Variants in TRAPPC12 observed in about 807,000 individuals in gnomAD.
TRAPPC12 encodes the protein TPR repeat protein 15.
A neutral mutation model predicts 69.2 loss-of-function variants in TRAPPC12; 61 were observed. The ratio of observed to expected loss-of-function variants is 0.88; its 90% CI spans 0.72 to 1.09. TRAPPC12 has a LOEUF of 1.09. TRAPPC12 is among the 50% of genes least tolerant of loss of function. The pLI is 0.00. For missense variants in TRAPPC12, 1,101 were observed against 1,016.4 expected (o/e 1.08, Z -1.13); for synonymous variants, 469 against 438.9 (o/e 1.07, Z -0.86).
intron 8 of TRAPPC12, chr2:3,462,726 G>T: frequency 2.9e-6 from 1 of 344,122 alleles, no homozygotes; most frequent in South Asian, 2.1e-5. Context: ...CCTCTCCTTA[G>T]GCCTCACTGT....
intron 3 of TRAPPC12, among the ~76,000 whole-genome samples, chr2:3,403,634 G>A (rs1661575666): frequency 6.6e-6 from 1 of 152,216 alleles, no homozygotes; most frequent in Non-Finnish European, 1.5e-5. Flanking sequence ...GAAATGACAG[G>A]TGAAGGTTAG....
chr2:3,455,679 G>T (rs1420474557), intron 6 of TRAPPC12: 1 of 152,194 alleles, frequency 6.6e-6, no homozygotes, highest in Non-Finnish European at 1.5e-5. Flanking sequence ...TAAATGACAG[G>T]ATACCATTCT....
chr2:3,478,981 CG>C, intron 11 of TRAPPC12, 48 bp downstream of exon 11: 2 of 1,581,620 alleles, frequency 1.3e-6, no homozygotes, highest in Non-Finnish European at 1.7e-6. Context: ...CTTTCACAGA[CG>C]CTAGAAACAT....
chr2:3,381,085 A>T (rs1174866809), intron 1 of TRAPPC12, among the ~76,000 whole-genome samples: 3 of 152,226 alleles, frequency 2.0e-5, no homozygotes, highest in Non-Finnish European at 4.4e-5. Flanking sequence ...ACCATCAGGT[A>T]CTGTCAGTGT....
At chr2:3,462,440 T>C (rs540323094) in intron 8 of TRAPPC12, among the ~76,000 whole-genome samples, 1 of 150,304 alleles carries the variant, frequency 6.7e-6, no homozygotes, top group Non-Finnish European at 1.5e-5. Flanking sequence ...CTAGTGAGCA[T>C]ACAGGGTATT....
intron 9 of TRAPPC12, among the ~76,000 whole-genome samples, chr2:3,466,093 C>G (rs1411102385): frequency 6.6e-6 from 1 of 152,212 alleles, no homozygotes; most frequent in Admixed American, 6.5e-5. Context: ...AGACAAAGTC[C>G]AGACTGAACA....
At chr2:3,469,218 T>C (rs940673470) in intron 9 of TRAPPC12, among the ~76,000 whole-genome samples, 1 of 152,198 alleles carries the variant, frequency 6.6e-6, no homozygotes, top group African/African-American at 2.4e-5. Context: ...AGTACCTGTA[T>C]CTTAATTATA....
Position 3,424,581 on chromosome 2 carries a change from G to A in TRAPPC12, c.1335G>A (p.Glu445=). 1.2e-6 allele frequency: 2 copies of A among 1,614,106 alleles called. No homozygotes were observed. The highest frequency in any genetic ancestry group is 1.6e-4 in the Middle Eastern group (1 of 6,062). ...AGTTGGGCCTTTTCCAGAATGCTGA[G>A]ATGGAATTTGAACCCTTCGGAAATC... ...LVKLGLFQNA[E]MEFEPFGNLD... is the part of the protein sequence containing the mutation. Residue 445 remains glutamate, a synonymous_variant, in exon 5 of 12, where the codon GAG becomes GAA. Transcript: ENST00000324266.
intron 9 of TRAPPC12, chr2:3,467,977 GTC>G (rs886761966): frequency 2.6e-5 from 4 of 152,248 alleles, no homozygotes; most frequent in African/African-American, 9.7e-5. Flanking sequence ...CCACCCTGCC[GTC>G]TCTGGTCAGA....
At chr2:3,460,535 A>G in intron 8 of TRAPPC12, 199 bp downstream of exon 8, 1 of 494,274 alleles carries the variant, frequency 2.0e-6, no homozygotes, top group Non-Finnish European at 3.6e-6. Context: ...AAATTTCAAC[A>G]GAATGTAGAA....
intron 3 of TRAPPC12, among the ~76,000 whole-genome samples, chr2:3,421,320 G>A (rs1298521500): frequency 6.6e-6 from 1 of 152,236 alleles, no homozygotes; most frequent in Non-Finnish European, 1.5e-5. Context: ...GTTAAGTGAT[G>A]TGAAAGTATA....
chr2:3,390,398 G>A (rs1487224139), intron 2 of TRAPPC12, among the ~76,000 whole-genome samples: 1 of 152,202 alleles, frequency 6.6e-6, no homozygotes, highest in Non-Finnish European at 1.5e-5. Flanking sequence ...GGAATGTATT[G>A]TGAGGACATA....
chr2:3,446,977 C>T (rs1230573971), intron 6 of TRAPPC12, among the ~76,000 whole-genome samples: 1 of 152,188 alleles, frequency 6.6e-6, no homozygotes, highest in Non-Finnish European at 1.5e-5. Context: ...GTCCATCTGG[C>T]TTTGCCATAA....
intron 3 of TRAPPC12, chr2:3,421,644 A>G: frequency 1.4e-6 from 1 of 708,138 alleles, no homozygotes; most frequent in Middle Eastern, 2.3e-4. Flanking sequence ...TTATGATTTG[A>G]TCGGCTTGAA....
At chr2:3,437,761 T>TC (rs1663911606) in intron 5 of TRAPPC12, among the ~76,000 whole-genome samples, 2 of 5,320 alleles carry the variant, frequency 3.8e-4, no homozygotes, top group Non-Finnish European at 7.5e-4. Context: ...CCTGGATTAA[T>TC]ACCCCATCAC....
chr2:3,404,894 G>C (rs1661644370), intron 3 of TRAPPC12, among the ~76,000 whole-genome samples: 1 of 151,348 alleles, frequency 6.6e-6, no homozygotes, highest in African/African-American at 2.4e-5. Flanking sequence ...ACGGGGGAGG[G>C]GGCGCAAAGA....
At chr2:3,383,390 T>C (rs1660314338) in intron 1 of TRAPPC12, among the ~76,000 whole-genome samples, 1 of 152,004 alleles carries the variant, frequency 6.6e-6, no homozygotes, top group South Asian at 2.1e-4. Flanking sequence ...CACAGTTAAT[T>C]TTTGATCCCC....
intron 5 of TRAPPC12, among the ~76,000 whole-genome samples, chr2:3,425,529 A>G (rs1243018862): frequency 1.3e-5 from 2 of 152,176 alleles, no homozygotes; most frequent in Non-Finnish European, 2.9e-5. Context: ...GTTGTCCTAA[A>G]GATCAAATGA....
intron 5 of TRAPPC12, among the ~76,000 whole-genome samples, chr2:3,438,946 A>G (rs1200620898): frequency 6.6e-6 from 1 of 152,034 alleles, no homozygotes; most frequent in African/African-American, 2.4e-5. Flanking sequence ...ATCAGTTCCA[A>G]TCCTTGGGTA....
Sources: allele counts gnomAD v4.1 joint callset (sites outside exome capture counted in the v4.1 genomes callset), GRCh38; gene constraint gnomAD v4.1.1; transcripts MANE v1.5; gene names NCBI Gene and HGNC (gene_info 2026-07-23, HGNC 2026-07-21).